The following MAD1L1 variants were observed in gnomAD, a reference collection of about 807,000 sequenced individuals.
MAD1L1 encodes the protein mitotic arrest deficient 1 like 1, also known as mitotic spindle assembly checkpoint protein MAD1.
Under a neutral mutation model 96.9 loss-of-function variants are expected in MAD1L1, and 95 were observed. The ratio of observed to expected loss-of-function variants is 0.98; its 90% CI spans 0.83 to 1.16. MAD1L1 has a LOEUF of 1.16. Ranked by LOEUF, MAD1L1 falls within the 50% of genes most tolerant of loss-of-function variation. The pLI, the probability that MAD1L1 is intolerant of heterozygous loss-of-function variation, is 0.00. For missense variants in MAD1L1, 1,007 were observed against 954.4 expected (o/e 1.06, Z -0.73); for synonymous variants, 473 against 396.6 (o/e 1.19, Z -2.29).
At chr7:2,115,962 C>T (rs1192416325) in intron 11 of MAD1L1, among the ~76,000 whole-genome samples, 2 of 150,834 alleles carry the variant, frequency 1.3e-5, no homozygotes, top group Admixed American at 6.7e-5. Context: ...AATGCGGCTG[C>T]GCTGCCGGAG....
intron 11 of MAD1L1, among the ~76,000 whole-genome samples, chr7:2,126,960 G>A (rs143568300): frequency 7.6e-4 from 116 of 152,336 alleles, no homozygotes; most frequent in Non-Finnish European, 1.3e-3. Context: ...GATTACAACT[G>A]AGAACCTGGG....
intron 12 of MAD1L1, among the ~76,000 whole-genome samples, chr7:2,014,856 G>C (rs1050807777): frequency 2.6e-5 from 4 of 152,250 alleles, no homozygotes; most frequent in African/African-American, 7.2e-5. Flanking sequence ...AGCAGCCCTG[G>C]CTTTGCCTCG....
At position 2,134,048 on chromosome 7, in the gene MAD1L1, T is replaced by C. The variant is rs1788641265; in HGVS notation, c.1073+15104A>G. 3.3e-5 allele frequency among the ~76,000 whole-genome samples: 5 copies of C among 152,352 alleles called. No homozygotes were observed. The South Asian group carries it at 1.0e-3, about 32-fold the overall frequency. ...CTTCCCATATAAACTTTAGAATCTG[T>C]TGATATCCACAAATATAACTTGCTG... is the stretch of plus-strand genomic sequence containing the variant. On this transcript the variant is annotated intron_variant, in intron 11 of 18. Transcript: ENST00000265854.
chr7:2,101,201 A>G (rs1415893235), intron 11 of MAD1L1, among the ~76,000 whole-genome samples: 3 of 152,198 alleles, frequency 2.0e-5, no homozygotes, highest in Non-Finnish European at 4.4e-5. Flanking sequence ...CATACACCAA[A>G]GAGGATGCGG....
At chr7:2,202,910 A>G (rs968583950) in intron 10 of MAD1L1, among the ~76,000 whole-genome samples, 40 of 152,214 alleles carry the variant, frequency 2.6e-4, no homozygotes, top group African/African-American at 9.2e-4. Context: ...CCAGTCTACA[A>G]AAGTTTTTGG....
intron 10 of MAD1L1, among the ~76,000 whole-genome samples, chr7:2,190,939 A>G (rs534432965): frequency 7.2e-5 from 11 of 152,310 alleles, no homozygotes; most frequent in Non-Finnish European, 7.3e-5. Context: ...ATTAAAACAT[A>G]CCATATCACC....
intron 7 of MAD1L1, among the ~76,000 whole-genome samples, chr7:2,216,708 T>TAC (rs1412432225): frequency 1.3e-5 from 2 of 151,994 alleles, no homozygotes; most frequent in African/African-American, 4.8e-5. Context: ...GCGCAGGGGG[T>TAC]ACACAGGAGC....
Position 2,029,527 on chromosome 7 carries a change from C to T in MAD1L1, c.1219-14885G>A, listed in dbSNP as rs190855041. Among the ~76,000 whole-genome samples the T allele has an allele frequency of 1.6e-3, 237 of 152,224 alleles. 2 individuals are homozygous for T. The highest frequency in any genetic ancestry group is 5.5e-3 in the African/African-American group (230 of 41,528). On this transcript the variant is annotated intron_variant, in intron 12 of 18. Transcript: ENST00000265854. ...TAAGATGTACTCTCAGGACAAAGCA[C>T]TTTCTGTATGTCTGTTATGCTCTAA...
intron 18 of MAD1L1, among the ~76,000 whole-genome samples, chr7:1,841,860 C>T (rs1430151811): frequency 3.3e-5 from 5 of 152,222 alleles, no homozygotes; most frequent in Non-Finnish European, 7.3e-5. Context: ...GTCTCCCCTT[C>T]CTGAGCTGGG....
At chr7:2,032,770 G>T (rs538442281) in intron 12 of MAD1L1, among the ~76,000 whole-genome samples, 34 of 152,294 alleles carry the variant, frequency 2.2e-4, no homozygotes, top group Admixed American at 1.2e-3. Context: ...CAAGTGGTGA[G>T]GGGGGTGGCG....
chr7:2,201,053 G>A (rs1006584988), intron 10 of MAD1L1, among the ~76,000 whole-genome samples: 3 of 152,212 alleles, frequency 2.0e-5, no homozygotes, highest in African/African-American at 7.2e-5. Context: ...GACAGCTACA[G>A]CTGGCTGCAG....
chr7:1,997,508 GC>G (rs1296935102), intron 14 of MAD1L1, among the ~76,000 whole-genome samples: 2 of 152,270 alleles, frequency 1.3e-5, no homozygotes, highest in East Asian at 3.8e-4. Flanking sequence ...GGTGACTCCA[GC>G]CATCCCAGCT....
At chr7:2,158,068 T>A (rs1374402419) in intron 10 of MAD1L1, among the ~76,000 whole-genome samples, 1 of 152,262 alleles carries the variant, frequency 6.6e-6, no homozygotes, top group Admixed American at 6.5e-5. Context: ...CTGTGACATC[T>A]GCTGCTGAAC....
intron 14 of MAD1L1, among the ~76,000 whole-genome samples, chr7:1,997,783 G>A (rs567928533): frequency 3.9e-5 from 6 of 152,346 alleles, no homozygotes; most frequent in South Asian, 4.1e-4. Context: ...CACGGTGTCT[G>A]TAGCCCCCTT....
chr7:2,160,160 G>C (rs1264771394), intron 10 of MAD1L1, among the ~76,000 whole-genome samples: 2 of 151,758 alleles, frequency 1.3e-5, no homozygotes, highest in Non-Finnish European at 2.9e-5. Context: ...GAGCCTGGGA[G>C]GCAGAGGCTA....
chr7:2,216,059 C>A, intron 8 of MAD1L1, 60 bp from the exon 9 acceptor site: 5 of 1,610,708 alleles, frequency 3.1e-6, no homozygotes, highest in Non-Finnish European at 4.2e-6. Context: ...AGGCCAAGAG[C>A]CCGGGAGCCC....
intron 12 of MAD1L1, among the ~76,000 whole-genome samples, chr7:2,050,893 G>A (rs1317900685): frequency 6.6e-6 from 1 of 152,220 alleles, no homozygotes; most frequent in Admixed American, 6.5e-5. Flanking sequence ...ACCACCACCA[G>A]GATGCTGCAG....
At chr7:2,184,980 A>C (rs1418825421) in intron 10 of MAD1L1, among the ~76,000 whole-genome samples, 1 of 152,186 alleles carries the variant, frequency 6.6e-6, no homozygotes, top group East Asian at 1.9e-4. Flanking sequence ...CCAGCCTGGG[A>C]AACAAGAGTG....
chr7:1,929,799 G>GCCCCATCCCCCACTGCCACGTCCCCTCA (rs1789336096), intron 17 of MAD1L1, among the ~76,000 whole-genome samples: 1 of 78,848 alleles, frequency 1.3e-5, no homozygotes, highest in Admixed American at 1.2e-4. Context: ...ACGTCCCCTC[G>GCCCCATCCCCCACTGCCACGTCCCCTCA]CCCCGTCCCC....
Sources: allele counts gnomAD v4.1 joint callset (sites outside exome capture counted in the v4.1 genomes callset), GRCh38; gene constraint gnomAD v4.1.1; transcripts MANE v1.5; gene names NCBI Gene and HGNC (gene_info 2026-07-23, HGNC 2026-07-21).